MAOA: variants seen among roughly 807,000 people sequenced by gnomAD.
MAOA encodes amine oxidase [flavin-containing] A.
A neutral mutation model predicts 42.0 loss-of-function variants in MAOA; 6 were observed. That is an observed-to-expected ratio of 0.14 (90% CI 0.08 to 0.28). The LOEUF (loss-of-function observed/expected upper bound fraction) is 0.28, where lower values mean the gene tolerates loss of function less well. Among genes scored for constraint, MAOA ranks in the 10% least tolerant of loss-of-function variants. MAOA has a pLI of 1.00. For missense variants in MAOA, 262 were observed against 422.3 expected, an observed-to-expected ratio of 0.62 and a Z score of 3.33; for synonymous variants, 140 against 154.0, an observed-to-expected ratio of 0.91 and a Z score of 0.67.
At position 43,683,251 on chromosome X, in the gene MAOA, T is replaced by C. The variant is rs761923197; in HGVS notation, c.74-262T>C. ...ATGATTATCACCAGAAAACAAGATA[T>C]ATATATTTTAAGACCATTACATTTT... On this transcript the variant is annotated intron_variant, in intron 1 of 14. Transcript: ENST00000338702. Among the ~76,000 whole-genome samples the C allele has an allele frequency of 6.3e-5, 7 of 111,856 alleles. No individual in the cohort carries two copies. In the South Asian group the frequency reaches 1.5e-3, roughly 24 times the overall value.
At chrX:43,739,309 A>G (rs1363778821) in intron 10 of MAOA, among the ~76,000 whole-genome samples, 1 of 111,911 alleles carries the variant, frequency 8.9e-6, no homozygotes, top group African/African-American at 3.3e-5. Context: ...ATCCACCTAA[A>G]TATCCATCTA....
chrX:43,712,063 T>G, intron 4 of MAOA, 87 bp downstream of exon 4: 1 of 701,814 alleles, frequency 1.4e-6, no homozygotes, highest in Admixed American at 2.3e-5. Flanking sequence ...CAGGGAACAT[T>G]GCTCTGGACA....
At chrX:43,711,362 A>G (rs2033698459) in intron 3 of MAOA, among the ~76,000 whole-genome samples, 1 of 112,150 alleles carries the variant, frequency 8.9e-6, no homozygotes, top group Non-Finnish European at 1.9e-5. Context: ...TACATCAGGC[A>G]TAGTCTGTAG....
intron 11 of MAOA, 83 bp from the exon 12 acceptor site, chrX:43,741,867 T>C (rs945442814): frequency 2.9e-5 from 34 of 1,181,426 alleles, no homozygotes; most frequent in Non-Finnish European, 3.7e-5. Flanking sequence ...AATGTAAACT[T>C]TTTGTTAAAG....
intron 3 of MAOA, among the ~76,000 whole-genome samples, chrX:43,697,036 C>T (rs1440939541): frequency 8.9e-6 from 1 of 112,105 alleles, no homozygotes; most frequent in Non-Finnish European, 1.9e-5. Flanking sequence ...CATTATGTTC[C>T]AGGCCCTGTG....
intron 5 of MAOA, among the ~76,000 whole-genome samples, chrX:43,717,799 A>T (rs1432283555): frequency 9.1e-6 from 1 of 109,703 alleles, no homozygotes; most frequent in African/African-American, 3.3e-5. Flanking sequence ...GGAAGGATGG[A>T]TACAGTAGAA....
At chrX:43,662,095 AACC>A (rs1249543076) in intron 1 of MAOA, among the ~76,000 whole-genome samples, 1 of 111,577 alleles carries the variant, frequency 9.0e-6, no homozygotes, top group Non-Finnish European at 1.9e-5. Context: ...TAGGCATTTT[AACC>A]CAGAACTTGG....
intron 3 of MAOA, among the ~76,000 whole-genome samples, chrX:43,699,453 G>A (rs933780477): frequency 9.1e-6 from 1 of 109,716 alleles, no homozygotes; most frequent in African/African-American, 3.3e-5. Flanking sequence ...ATGGAGCAAG[G>A]CATTTTGCAG....
Position 43,741,675 on chromosome X carries a change from A to G in MAOA, c.1165-275A>G, listed in dbSNP as rs982149506. 3.6e-5 allele frequency among the ~76,000 whole-genome samples: 4 copies of G among 111,181 alleles called. No individual in the cohort carries two copies. The Admixed American group carries it at 3.8e-4, about 11-fold the overall frequency. ...TAGCTCTAAAGACTTCAGAATCTGC[A>G]TGGATGGATGGATACCCCTCTCTCC... On this transcript the variant is annotated intron_variant, in intron 11 of 14. Transcript: ENST00000338702.
chrX:43,702,061 G>A (rs191922360), intron 3 of MAOA, among the ~76,000 whole-genome samples: 182 of 111,620 alleles, frequency 1.6e-3, no homozygotes, highest in Non-Finnish European at 2.5e-3. Flanking sequence ...AGCCTCTAAC[G>A]TCCAATGAAT....
chrX:43,715,105 G>T (rs2147095652), intron 5 of MAOA, among the ~76,000 whole-genome samples: 1 of 110,852 alleles, frequency 9.0e-6, no homozygotes, highest in African/African-American at 3.3e-5. Context: ...GGGTAGAGGG[G>T]ACACAGATGG....
intron 2 of MAOA, among the ~76,000 whole-genome samples, chrX:43,689,992 T>C (rs1450064473): frequency 9.0e-6 from 1 of 110,862 alleles, no homozygotes; most frequent in Non-Finnish European, 1.9e-5. Context: ...TTTCAGAGTA[T>C]GTATGATTTG....
At chrX:43,722,243 C>A (rs1418473844) in intron 5 of MAOA, among the ~76,000 whole-genome samples, 1 of 111,916 alleles carries the variant, frequency 8.9e-6, no homozygotes, top group African/African-American at 3.3e-5. Context: ...ATTTCTAGTT[C>A]CAGATCCTTG....
intron 5 of MAOA, among the ~76,000 whole-genome samples, chrX:43,722,143 A>G (rs1182389578): frequency 1.8e-5 from 2 of 112,120 alleles, no homozygotes; most frequent in East Asian, 2.8e-4. Context: ...CAGTGCTGCA[A>G]TAAACATATG....
intron 1 of MAOA, among the ~76,000 whole-genome samples, chrX:43,681,695 C>T (rs1569192002): frequency 3.6e-5 from 4 of 109,803 alleles, no homozygotes; most frequent in Admixed American, 2.9e-4. Flanking sequence ...TTCTTATTTC[C>T]CTCTACCCTA....
intron 10 of MAOA, among the ~76,000 whole-genome samples, chrX:43,738,215 T>C (rs1281059047): frequency 8.9e-6 from 1 of 111,950 alleles, no homozygotes; most frequent in Non-Finnish European, 1.9e-5. Flanking sequence ...GTGGCCTCTT[T>C]TATTCATCAC....
rs1284857550 is a variant in MAOA, at chrX:43,744,473, G to T, written c.1544G>T (p.Gly515Val). 2 of 1,208,248 alleles carry T rather than the reference G, an allele frequency of 1.7e-6. No homozygotes were observed. Among genetic ancestry groups the T allele is most frequent in the Non-Finnish European group, 1.1e-6 (1 of 894,270 alleles). The change falls in exon 15 of 15, where the codon GGG becomes GTG. Residue 515 changes from glycine (G) to valine (V), a missense_variant. Transcript: ENST00000338702. The part of the protein sequence containing the change: ...IGFSTSVTAL[G>V]FVLYKYKLLP... ...TTTTCCACATCAGTAACTGCCCTGGGGTTTGTGCTGTACAAATACAAGCTC... is the reference window on the plus strand; with the variant it reads ...TTTTCCACATCAGTAACTGCCCTGGTGTTTGTGCTGTACAAATACAAGCTC...
chrX:43,732,822 T>C (rs1398242955), intron 9 of MAOA, 27 bp downstream of exon 9: 1 of 1,059,623 alleles, frequency 9.4e-7, no homozygotes, highest in East Asian at 3.0e-5. Flanking sequence ...TGTTCTGCAT[T>C]TTCCAAATTG....
At chrX:43,732,107 G>A (rs770752547) in intron 8 of MAOA, among the ~76,000 whole-genome samples, 134 of 111,520 alleles carry the variant, frequency 1.2e-3, no homozygotes, top group Non-Finnish European at 2.0e-3. Context: ...CCTGGCATCT[G>A]TCCTGCTTCT....
Sources: allele counts gnomAD v4.1 joint callset (sites outside exome capture counted in the v4.1 genomes callset), GRCh38; gene constraint gnomAD v4.1.1; transcripts MANE v1.5; gene names NCBI Gene and HGNC (gene_info 2026-07-23, HGNC 2026-07-21).